SAMD5: variants seen among roughly 807,000 people sequenced by gnomAD.
SAMD5 encodes the protein sterile alpha motif domain containing 5.
In SAMD5, 13 loss-of-function variants were observed where a neutral mutation model predicts 11.3. The ratio of observed to expected loss-of-function variants is 1.15; its 90% CI spans 0.75 to 1.83. SAMD5 has a LOEUF of 1.83. Among genes scored for constraint, SAMD5 ranks in the 40% most tolerant of loss-of-function variants. SAMD5 has a pLI of 0.00. For missense variants in SAMD5, 255 were observed against 239.1 expected, an observed-to-expected ratio of 1.07 and a Z score of -0.44; for synonymous variants, 129 against 111.3, an observed-to-expected ratio of 1.16 and a Z score of -1.00.
chr6:147,637,860 G>GT (rs34779416), intron 1 of SAMD5, among the ~76,000 whole-genome samples: 9,762 of 141,682 alleles, frequency 0.069, 408 homozygotes, highest in Non-Finnish European at 0.11. Flanking sequence ...AGCAAGTTCG[G>GT]TTTTTTTTTT....
chr6:147,635,768 C>T (rs1790221639), intron 1 of SAMD5, among the ~76,000 whole-genome samples: 1 of 152,110 alleles, frequency 6.6e-6, no homozygotes, highest in Admixed American at 6.6e-5. Flanking sequence ...TAGCCACTGC[C>T]CCTTTAGTTG....
chr6:147,621,617 T>C (rs2128450298), intron 1 of SAMD5, among the ~76,000 whole-genome samples: 1 of 152,332 alleles, frequency 6.6e-6, no homozygotes, highest in East Asian at 1.9e-4. Context: ...AGTAGACATA[T>C]GACCCAGGTC....
chr6:147,785,313 G>A, the SAMD5 span, among the ~76,000 whole-genome samples: 2 of 152,036 alleles, frequency 1.3e-5, no homozygotes, highest in South Asian at 2.1e-4. Flanking sequence ...TCATTGTCAC[G>A]AGCTCCATTT....
At chr6:147,531,881 C>A (rs977458431) in intron 1 of SAMD5, among the ~76,000 whole-genome samples, 23 of 151,856 alleles carry the variant, frequency 1.5e-4, no homozygotes, top group African/African-American at 5.3e-4. Context: ...TATCATCAAA[C>A]AGTTTTAAAA....
At chr6:147,787,355 A>G in the SAMD5 span, among the ~76,000 whole-genome samples, 1 of 152,206 alleles carries the variant, frequency 6.6e-6, no homozygotes, top group South Asian at 2.1e-4. Context: ...GTAGTCACGG[A>G]GAGTTTTAAA....
At chr6:147,580,860 A>C (rs934669505) in intron 1 of SAMD5, among the ~76,000 whole-genome samples, 3 of 151,784 alleles carry the variant, frequency 2.0e-5, no homozygotes. Flanking sequence ...GCAGGAAAGT[A>C]GTAGAGAATG....
the SAMD5 span, among the ~76,000 whole-genome samples, chr6:147,945,561 T>C: frequency 2.0e-5 from 3 of 152,156 alleles, no homozygotes; most frequent in Admixed American, 1.3e-4. Flanking sequence ...AGGGATATAG[T>C]AGAAAATCCT....
the SAMD5 span, among the ~76,000 whole-genome samples, chr6:147,850,247 A>G: frequency 5.3e-5 from 8 of 152,328 alleles, no homozygotes; most frequent in Non-Finnish European, 7.4e-5. Context: ...TAATTAAATG[A>G]TAACATACCA....
At chr6:147,922,675 T>C in the SAMD5 span, among the ~76,000 whole-genome samples, 7 of 152,194 alleles carry the variant, frequency 4.6e-5, no homozygotes, top group African/African-American at 1.7e-4. Context: ...CGATGATGTG[T>C]TCAATAACTC....
intron 1 of SAMD5, among the ~76,000 whole-genome samples, chr6:147,563,809 A>G (rs190266430): frequency 7.9e-5 from 12 of 152,350 alleles, no homozygotes; most frequent in Admixed American, 5.2e-4. Flanking sequence ...ACCTCTTTCC[A>G]GCTCACGTGC....
intron 1 of SAMD5, among the ~76,000 whole-genome samples, chr6:147,554,902 T>C (rs702335): frequency 0.31 from 46,940 of 152,062 alleles, 7,814 homozygotes; most frequent in East Asian, 0.6. Flanking sequence ...TCAGGGGGTC[T>C]GCAAGGTAAT....
At chr6:147,949,354 A>G in the SAMD5 span, among the ~76,000 whole-genome samples, 2 of 152,192 alleles carry the variant, frequency 1.3e-5, no homozygotes, top group South Asian at 2.1e-4. Flanking sequence ...AATGGTTCCA[A>G]TCTGTAACCC....
the SAMD5 span, among the ~76,000 whole-genome samples, chr6:147,802,257 A>C: frequency 1.3e-5 from 2 of 152,250 alleles, no homozygotes; most frequent in African/African-American, 4.8e-5. Context: ...AAATATTTAC[A>C]CAAAAACTTA....
chr6:147,890,609 T>C, the SAMD5 span, among the ~76,000 whole-genome samples: 1 of 152,192 alleles, frequency 6.6e-6, no homozygotes, highest in African/African-American at 2.4e-5. Flanking sequence ...TCCACCCAAC[T>C]TGGCCTCTCA....
At chr6:147,889,784 G>A in the SAMD5 span, among the ~76,000 whole-genome samples, 1 of 152,158 alleles carries the variant, frequency 6.6e-6, no homozygotes, top group South Asian at 2.1e-4. Flanking sequence ...TGATCTTTGG[G>A]GTGAACATTC....
rs115977132 is a variant in SAMD5 at position 147,629,289 on chromosome 6, C to T, written c.163-108028C>T. Reference sequence around the variant, plus strand: ...TTGTGTCATTGCACTCCAGCCTTGGCGACAAGAGCAAAGCTCCATCCAAAA... The same window carrying T: ...TTGTGTCATTGCACTCCAGCCTTGGTGACAAGAGCAAAGCTCCATCCAAAA... On this transcript the variant is annotated intron_variant, in intron 1 of 1. Transcript: ENST00000566741. 5.6e-3 allele frequency among the ~76,000 whole-genome samples: 854 copies of T among 151,154 alleles called. 12 individuals are homozygous for T. Among genetic ancestry groups the T allele is most frequent in the African/African-American group, 0.019 (790 of 41,186 alleles).
chr6:147,602,473 G>A (rs1789632650), intron 1 of SAMD5, among the ~76,000 whole-genome samples: 1 of 152,204 alleles, frequency 6.6e-6, no homozygotes, highest in Non-Finnish European at 1.5e-5. Flanking sequence ...GCCAGGCGTG[G>A]TGGCTCAGGC....
At chr6:147,646,189 A>G (rs1049778630) in intron 1 of SAMD5, among the ~76,000 whole-genome samples, 13 of 152,210 alleles carry the variant, frequency 8.5e-5, no homozygotes, top group African/African-American at 2.6e-4. Flanking sequence ...TAAAGTACCA[A>G]TACTCTACTG....
At chr6:147,866,894 T>A in the SAMD5 span, among the ~76,000 whole-genome samples, 2 of 152,166 alleles carry the variant, frequency 1.3e-5, no homozygotes, top group Non-Finnish European at 2.9e-5. Context: ...TAAAAGCATA[T>A]GACTTGAAAT....
Sources: gnomAD v4.1 joint callset for allele counts (sites outside exome capture counted in the v4.1 genomes callset) on GRCh38, gnomAD v4.1.1 for gene constraint, MANE v1.5 for transcripts, NCBI Gene and HGNC (gene_info 2026-07-23, HGNC 2026-07-21) for gene names.